FAM83B: variants seen among roughly 807,000 people sequenced by gnomAD.
FAM83B encodes the protein protein FAM83B.
FAM83B carries 26 observed loss-of-function variants against 38.8 expected under a neutral mutation model. The ratio of observed to expected loss-of-function variants is 0.67; its 90% CI spans 0.49 to 0.93. The LOEUF (loss-of-function observed/expected upper bound fraction) is 0.93. Ranked by LOEUF, FAM83B falls within the 40% of genes least tolerant of loss-of-function variation. The pLI is 0.00. For synonymous variants in FAM83B, 419 were observed against 423.1 expected, an observed-to-expected ratio of 0.99 and a Z score of 0.12; for missense variants, 1,237 against 1,197.3, an observed-to-expected ratio of 1.03 and a Z score of -0.49.
chr6:54,917,254 G>A (rs149309343), intron 2 of FAM83B, among the ~76,000 whole-genome samples: 70 of 152,214 alleles, frequency 4.6e-4, no homozygotes, highest in Middle Eastern at 3.4e-3. Flanking sequence ...TAGAAACTAG[G>A]TGTAACAGAG....
chr6:54,929,398 C>G (rs1484196476), intron 4 of FAM83B, among the ~76,000 whole-genome samples: 1 of 152,082 alleles, frequency 6.6e-6, no homozygotes, highest in Non-Finnish European at 1.5e-5. Context: ...CCTACCATTC[C>G]TGGAGAGGCC....
chr6:54,925,834 A>C (rs776910698), intron 2 of FAM83B, among the ~76,000 whole-genome samples: 1 of 152,144 alleles, frequency 6.6e-6, no homozygotes, highest in Non-Finnish European at 1.5e-5. Flanking sequence ...TTCCCCCAGT[A>C]AACTGAGGAA....
intron 2 of FAM83B, among the ~76,000 whole-genome samples, chr6:54,884,007 T>C (rs1468018409): frequency 2.0e-5 from 3 of 151,884 alleles, no homozygotes; most frequent in Non-Finnish European, 4.4e-5. Flanking sequence ...CTGTCTCTAC[T>C]AAAAATGCAA....
chr6:54,883,297 A>G (rs140169501), intron 2 of FAM83B, among the ~76,000 whole-genome samples: 10 of 148,784 alleles, frequency 6.7e-5, no homozygotes, highest in Non-Finnish European at 1.0e-4. Flanking sequence ...TCATTTTCTC[A>G]TAGGACCCAT....
intron 2 of FAM83B, among the ~76,000 whole-genome samples, chr6:54,892,209 C>A (rs569969908): frequency 7.2e-5 from 11 of 152,170 alleles, no homozygotes; most frequent in Non-Finnish European, 1.6e-4. Context: ...GCCCTCACTT[C>A]ATCCAACAAC....
chr6:54,899,953 A>C (rs541345559), intron 2 of FAM83B, among the ~76,000 whole-genome samples: 53 of 152,322 alleles, frequency 3.5e-4, no homozygotes, highest in African/African-American at 1.3e-3. Flanking sequence ...AATAAAATGA[A>C]ACAACTCACA....
chr6:54,858,939 A>C (rs1018315453), intron 1 of FAM83B, among the ~76,000 whole-genome samples: 1 of 152,294 alleles, frequency 6.6e-6, no homozygotes, highest in South Asian at 2.1e-4. Flanking sequence ...GAAGCCCTTT[A>C]TAAATGGGTA....
chr6:54,867,569 G>A (rs1403741952), intron 1 of FAM83B, among the ~76,000 whole-genome samples: 3 of 151,960 alleles, frequency 2.0e-5, no homozygotes, highest in Non-Finnish European at 2.9e-5. Flanking sequence ...TCTGGCTATC[G>A]ATTAGTCCTG....
chr6:54,916,696 G>A (rs1773047329), intron 2 of FAM83B, among the ~76,000 whole-genome samples: 1 of 152,036 alleles, frequency 6.6e-6, no homozygotes, highest in Non-Finnish European at 1.5e-5. Context: ...AATATACCTA[G>A]CCAATATTAT....
At chr6:54,882,382 C>A (rs927014723) in intron 2 of FAM83B, among the ~76,000 whole-genome samples, 1 of 152,156 alleles carries the variant, frequency 6.6e-6, no homozygotes, top group Non-Finnish European at 1.5e-5. Flanking sequence ...CACAACAGTT[C>A]TCTAACGTAG....
At chr6:54,877,343 C>G (rs1336084699) in intron 2 of FAM83B, among the ~76,000 whole-genome samples, 1 of 152,182 alleles carries the variant, frequency 6.6e-6, no homozygotes, top group Non-Finnish European at 1.5e-5. Context: ...TGTCTGTCCT[C>G]TCAATGAGAT....
intron 4 of FAM83B, among the ~76,000 whole-genome samples, chr6:54,930,225 A>G (rs1245875678): frequency 6.6e-6 from 1 of 152,048 alleles, no homozygotes; most frequent in Non-Finnish European, 1.5e-5. Flanking sequence ...TTTTTTCGAA[A>G]CAAAGTTAAT....
chr6:54,940,073 G>C lies in FAM83B; in HGVS notation c.1102G>C (p.Gly368Arg), dbSNP rs1368532777. ...YKPHFVPNFN[G>R]PNAIRQFQPN... ...ACCTCATTTTGTTCCTAACTTTAAT[G>C]GTCCAAACGCAATACGTCAGTTTCA... is the stretch of plus-strand genomic sequence containing the variant. The change falls in exon 5 of 5, where the codon GGT becomes CGT. Residue 368 changes from glycine to arginine, a missense_variant. Coordinates refer to ENST00000306858, the MANE Select transcript of FAM83B (RefSeq NM_001010872.3). 6.2e-7 allele frequency: 1 copy of C among 1,613,952 alleles called. No individual in the cohort carries two copies. Among genetic ancestry groups the C allele is most frequent in the East Asian group, 2.2e-5 (1 of 44,880 alleles).
At chr6:54,851,668 G>A (rs1410776782) in intron 1 of FAM83B, among the ~76,000 whole-genome samples, 1 of 99,392 alleles carries the variant, frequency 1.0e-5, no homozygotes, top group African/African-American at 4.4e-5. Context: ...TTTTTTTTGA[G>A]ACGGAGTCTC....
At chr6:54,860,542 G>A (rs760782437) in intron 1 of FAM83B, among the ~76,000 whole-genome samples, 61 of 152,256 alleles carry the variant, frequency 4.0e-4, no homozygotes, top group Non-Finnish European at 8.2e-4. Context: ...AGACTATTAA[G>A]CTATAGTAAC....
In FAM83B at chr6:54,870,378, A is replaced by C. The variant is rs369748971; in HGVS notation, c.132A>C (p.Gln44His). Residue 44 changes from glutamine (Q) to histidine (H), a missense_variant, in exon 2 of 5, where the codon CAA becomes CAC. Gln to His is a conservative substitution (Grantham distance 24). Transcript: ENST00000306858. ...ILIEHGLEAY[Q>H]EFLVQERVSD... The stretch of plus-strand genomic sequence containing the variant: ...TTGAACACGGGTTAGAAGCATACCA[A>C]GAATTTCTTGTCCAGGAACGAGTTT... 6.2e-7 allele frequency: 1 copy of C among 1,613,994 alleles called. No individual in the cohort carries two copies. The highest frequency in any genetic ancestry group is 1.3e-5 in the African/African-American group (1 of 74,920).
At chr6:54,919,950 A>G (rs1399786645) in intron 2 of FAM83B, among the ~76,000 whole-genome samples, 1 of 151,994 alleles carries the variant, frequency 6.6e-6, no homozygotes, top group African/African-American at 2.4e-5. Context: ...GAATCACTTA[A>G]TTTATGGCAG....
chr6:54,897,165 G>C (rs928453010), intron 2 of FAM83B, among the ~76,000 whole-genome samples: 1 of 151,530 alleles, frequency 6.6e-6, no homozygotes, highest in South Asian at 2.1e-4. Context: ...AACAAACCTG[G>C]GGACAGCTTT....
intron 4 of FAM83B, among the ~76,000 whole-genome samples, chr6:54,938,125 G>T (rs1022094151): frequency 2.6e-5 from 4 of 151,912 alleles, no homozygotes; most frequent in African/African-American, 9.7e-5. Flanking sequence ...ACAATATTTT[G>T]TTTTCCATTC....
Sources: allele counts gnomAD v4.1 joint callset (sites outside exome capture counted in the v4.1 genomes callset), GRCh38; gene constraint gnomAD v4.1.1; transcripts MANE v1.5; gene names NCBI Gene and HGNC (gene_info 2026-07-23, HGNC 2026-07-21).